Variants in TMEM71 observed in about 807,000 individuals in gnomAD.
The protein encoded by TMEM71 is transmembrane protein 71.
TMEM71 carries 44 observed loss-of-function variants against 38.0 expected under a neutral mutation model. The ratio of observed to expected loss-of-function variants is 1.16; its 90% CI spans 0.91 to 1.49. The LOEUF (loss-of-function observed/expected upper bound fraction) is 1.49, where lower values mean the gene tolerates loss of function less well. Among genes scored for constraint, TMEM71 ranks in the 40% most tolerant of loss-of-function variants. The pLI, the probability that TMEM71 is intolerant of heterozygous loss-of-function variation, is 0.00. For synonymous variants in TMEM71, 133 were observed against 122.5 expected (o/e 1.09, Z -0.56); for missense variants, 367 against 348.6 (o/e 1.05, Z -0.42).
chr8:132,721,329 G>A (rs531930792), intron 7 of TMEM71, among the ~76,000 whole-genome samples: 23 of 152,204 alleles, frequency 1.5e-4, no homozygotes, highest in Non-Finnish European at 2.1e-4. Flanking sequence ...ATTTATGTGG[G>A]GATATACAAA....
chr8:132,752,233 G>A (rs1168970833), intron 3 of TMEM71, among the ~76,000 whole-genome samples: 22 of 152,150 alleles, frequency 1.4e-4, no homozygotes, highest in Admixed American at 1.4e-3. Context: ...GTGAAAACAC[G>A]ATGGCTAATC....
At chr8:132,756,642 AGT>A (rs1403179785) in intron 3 of TMEM71, among the ~76,000 whole-genome samples, 1 of 151,638 alleles carries the variant, frequency 6.6e-6, no homozygotes, top group African/African-American at 2.4e-5. Flanking sequence ...GCTGGAGTGC[AGT>A]GGTGTAGTCT....
chr8:132,764,434 T>C (rs942368319), upstream of TMEM71, among the ~76,000 whole-genome samples: 7 of 152,096 alleles, frequency 4.6e-5, no homozygotes, highest in African/African-American at 1.7e-4. Context: ...ATTATGTCAC[T>C]CCCCTGATTA....
chr8:132,725,633 G>A (rs1399187944), intron 6 of TMEM71, among the ~76,000 whole-genome samples: 1 of 152,184 alleles, frequency 6.6e-6, no homozygotes, highest in Non-Finnish European at 1.5e-5. Context: ...CATGTGAAGG[G>A]CTTAATGGAA....
intron 7 of TMEM71, among the ~76,000 whole-genome samples, chr8:132,720,910 G>C (rs1285828537): frequency 6.6e-6 from 1 of 152,170 alleles, no homozygotes; most frequent in Non-Finnish European, 1.5e-5. Flanking sequence ...TCTGCTGTCA[G>C]GCAGCTCACA....
In TMEM71 at chr8:132,746,998, T is replaced by G; in HGVS notation, c.431A>C (p.Glu144Ala). 1 of 1,613,674 alleles carries G rather than the reference T, an allele frequency of 6.2e-7. No homozygotes were observed. The highest frequency in any genetic ancestry group is 8.5e-7 in the Non-Finnish European group (1 of 1,179,888). Residue 144 changes from glutamate to alanine, a missense_variant, in exon 5 of 10, where the codon GAA becomes GCA. By Grantham distance (107) the Glu-to-Ala change is moderately radical. Coordinates refer to ENST00000677595, the MANE Select transcript of TMEM71 (RefSeq NM_001382403.1). ...CCTGGTCCCCTTCAACCAGTTGTCTTCACTTGGAGAAGAGTTGATGTCACC... is the reference window on the plus strand; with the variant it reads ...CCTGGTCCCCTTCAACCAGTTGTCTGCACTTGGAGAAGAGTTGATGTCACC... Reference protein sequence around the residue: ...IFGDINSSPSEDNWLKGTRRL... With the variant: ...IFGDINSSPSADNWLKGTRRL...
intron 5 of TMEM71, among the ~76,000 whole-genome samples, chr8:132,743,085 A>G (rs1399681352): frequency 6.6e-6 from 1 of 152,060 alleles, no homozygotes; most frequent in East Asian, 1.9e-4. Context: ...CCCTCCCACA[A>G]CATGTGGAAT....
At chr8:132,712,957 T>C (rs1266328711) in intron 9 of TMEM71, among the ~76,000 whole-genome samples, 1 of 152,000 alleles carries the variant, frequency 6.6e-6, no homozygotes, top group Non-Finnish European at 1.5e-5. Context: ...CTCAAGCAAT[T>C]CCTCCATCTT....
chr8:132,714,778 C>T (rs76250435), intron 7 of TMEM71, among the ~76,000 whole-genome samples: 78 of 152,222 alleles, frequency 5.1e-4, no homozygotes, highest in Admixed American at 1.5e-3. Context: ...AAAGACAAGG[C>T]GCAGTCTGTG....
Position 132,745,448 on chromosome 8 carries a change from A to T in TMEM71, c.487+1494T>A, listed in dbSNP as rs1043767883. On this transcript the variant is annotated intron_variant, in intron 5 of 9. Coordinates refer to ENST00000677595, the MANE Select transcript of TMEM71 (RefSeq NM_001382403.1). ...AAATGTTCATCATCACTAATCATAG[A>T]AATGCAAATCAAAAGCACAATGAGA... Among the ~76,000 whole-genome samples the T allele has an allele frequency of 2.0e-5, 3 of 152,332 alleles. No individual in the cohort carries two copies. In the East Asian group the frequency reaches 5.8e-4, roughly 29 times the overall value.
chr8:132,750,879 A>C (rs1828669837), intron 4 of TMEM71, among the ~76,000 whole-genome samples: 4 of 152,106 alleles, frequency 2.6e-5, no homozygotes, highest in African/African-American at 9.7e-5. Context: ...TTGACCTCCC[A>C]CATCTTTGGA....
intron 5 of TMEM71, among the ~76,000 whole-genome samples, chr8:132,746,386 TAC>T (rs1356420799): frequency 1.0e-4 from 2 of 19,432 alleles, no homozygotes; most frequent in East Asian, 3.3e-3. Flanking sequence ...CATATATATA[TAC>T]ATATATATAT....
Position 132,757,264 on chromosome 8 carries a change from C to T in TMEM71, c.71G>A (p.Gly24Glu), listed in dbSNP as rs1477222591. The T allele has an allele frequency of 6.2e-7, 1 of 1,611,222 alleles. No individual in the cohort carries two copies. The part of the protein sequence containing the change: ...SSSRLEREYA[G>E]ELSPTCIFPS... ...GAAAATGCACGTGGGAGACAGCTCT[C>T]CAGCATATTCTCTTTCCAACCTGGA... Residue 24 changes from glycine (G) to glutamate (E), a missense_variant, in exon 3 of 10, where the codon GGA (glycine) becomes GAA (glutamate). Transcript: ENST00000677595.
intron 3 of TMEM71, among the ~76,000 whole-genome samples, chr8:132,755,958 C>T (rs1319632728): frequency 1.3e-5 from 2 of 152,172 alleles, no homozygotes; most frequent in African/African-American, 2.4e-5. Flanking sequence ...GAAGCCTAGT[C>T]TATCTGACTC....
chr8:132,745,051 C>T (rs1228980533), intron 5 of TMEM71, among the ~76,000 whole-genome samples: 2 of 152,122 alleles, frequency 1.3e-5, no homozygotes, highest in East Asian at 3.9e-4. Flanking sequence ...CAATGTAAGA[C>T]CTCCCTTAAC....
chr8:132,714,716 T>G (rs867262101), intron 7 of TMEM71, among the ~76,000 whole-genome samples: 1 of 152,166 alleles, frequency 6.6e-6, no homozygotes, highest in African/African-American at 2.4e-5. Context: ...ATAATTGGAC[T>G]TTATCAAAAT....
At chr8:132,775,317 C>A in the TMEM71 span, 1 of 342,796 alleles carries the variant, frequency 2.9e-6, no homozygotes, top group South Asian at 1.4e-4. Context: ...CCTCGTGAGT[C>A]ACGTGACAAG....
intron 5 of TMEM71, among the ~76,000 whole-genome samples, chr8:132,737,100 G>A (rs1452765579): frequency 1.3e-5 from 2 of 152,172 alleles, no homozygotes; most frequent in East Asian, 1.9e-4. Context: ...GGGCTGGTGG[G>A]GAAGGAGGAG....
chr8:132,766,070 C>T, the TMEM71 span, among the ~76,000 whole-genome samples: 1 of 152,108 alleles, frequency 6.6e-6, no homozygotes, highest in Non-Finnish European at 1.5e-5. Flanking sequence ...AGATATGAGC[C>T]ACCGCACCCT....
Sources: gnomAD v4.1 joint callset for allele counts (sites outside exome capture counted in the v4.1 genomes callset) on GRCh38, gnomAD v4.1.1 for gene constraint, MANE v1.5 for transcripts, NCBI Gene and HGNC (gene_info 2026-07-23, HGNC 2026-07-21) for gene names.